Variants in ABCG1 observed in about 807,000 individuals in gnomAD.
The protein encoded by ABCG1 is ATP-binding cassette sub-family G member 1.
In ABCG1, 29 loss-of-function variants were observed where a neutral mutation model predicts 69.2. The ratio of observed to expected loss-of-function variants is 0.42; its 90% CI spans 0.31 to 0.57. ABCG1 has a LOEUF of 0.57. Among genes scored for constraint, ABCG1 ranks in the 20% least tolerant of loss-of-function variants. The pLI is 0.15. For synonymous variants in ABCG1, 370 were observed against 374.8 expected (o/e 0.99, Z 0.15); for missense variants, 718 against 898.1 (o/e 0.80, Z 2.56).
At chr21:42,202,898 C>A (rs1161044623) in intron 2 of ABCG1, among the ~76,000 whole-genome samples, 1 of 152,140 alleles carries the variant, frequency 6.6e-6, no homozygotes, top group East Asian at 1.9e-4. Flanking sequence ...CAGGTGTGAG[C>A]CACAATGCCC....
chr21:42,255,450 G>A (rs762455698), intron 2 of ABCG1, among the ~76,000 whole-genome samples: 4 of 152,186 alleles, frequency 2.6e-5, no homozygotes, highest in Non-Finnish European at 5.9e-5. Flanking sequence ...CCATGTGTGG[G>A]TGTGTGTGCA....
chr21:42,219,202 C>A lies in ABCG1; in HGVS notation c.-61C>A, dbSNP rs1158509826. On this transcript the variant is annotated 5_prime_UTR_variant, in exon 1 of 15. Coordinates refer to ENST00000398449, the MANE Select transcript of ABCG1 (RefSeq NM_016818.3). The surrounding 1 kb of genome is among the most constrained non-coding windows in gnomAD (Gnocchi z 5.3). Reference sequence around the variant, plus strand: ...AGCCGGGAGCCAGCGCAGCCTCGGCCCCGCAGCTCAAGCCTCGTCCCCGCC... The same window carrying A: ...AGCCGGGAGCCAGCGCAGCCTCGGCACCGCAGCTCAAGCCTCGTCCCCGCC... The A allele has an allele frequency of 2.2e-6, 3 of 1,394,906 alleles. No individual in the cohort carries two copies. Among genetic ancestry groups the A allele is most frequent in the Non-Finnish European group, 2.8e-6 (3 of 1,071,200 alleles). 86.4% of individuals were successfully genotyped at this position (1,394,906 alleles called of 1,614,324 possible).
At chr21:42,213,398 T>A (rs1396673923), upstream of ABCG1, among the ~76,000 whole-genome samples, 2 of 152,242 alleles carry the variant, frequency 1.3e-5, no homozygotes, top group East Asian at 1.9e-4. Flanking sequence ...TATGGAGGCA[T>A]GGCTAACTCC....
chr21:42,210,023 A>G (rs1169503299), intron 2 of ABCG1, among the ~76,000 whole-genome samples: 1 of 144,786 alleles, frequency 6.9e-6, no homozygotes, highest in Non-Finnish European at 1.5e-5. Flanking sequence ...TCCAGCGATG[A>G]AAGGGCTGAT....
intron 2 of ABCG1, among the ~76,000 whole-genome samples, chr21:42,245,034 C>A (rs939672717): frequency 6.6e-6 from 1 of 152,220 alleles, no homozygotes; most frequent in African/African-American, 2.4e-5. Flanking sequence ...CCCAGCTCTG[C>A]CCCCACGCGC....
chr21:42,272,829 C>T (rs891313721), intron 3 of ABCG1, among the ~76,000 whole-genome samples: 5 of 152,234 alleles, frequency 3.3e-5, no homozygotes, highest in Non-Finnish European at 7.3e-5. Flanking sequence ...GGGCCCCAGG[C>T]CCCTCTCTGC....
chr21:42,263,901 G>T (rs933540888), intron 2 of ABCG1, among the ~76,000 whole-genome samples: 3 of 152,242 alleles, frequency 2.0e-5, no homozygotes, highest in African/African-American at 7.2e-5. Context: ...GTTGCTCAAG[G>T]TTCATTTGTG....
Position 42,287,357 on chromosome 21 carries a change from G to A in ABCG1, c.974-532G>A, listed in dbSNP as rs372053942. The stretch of plus-strand genomic sequence containing the variant: ...AGCGGGCAGGGCCGGTGCAGGAGAC[G>A]CTCACTGGGATCTGAGAGGTGCAGG... On this transcript the variant is annotated intron_variant, in intron 8 of 14. Transcript: ENST00000398449. The surrounding 1 kb of genome is among the most constrained non-coding windows in gnomAD (Gnocchi z 6.2). Among the ~76,000 whole-genome samples, 7 of 152,152 alleles carry A rather than the reference G, an allele frequency of 4.6e-5. No homozygotes were observed. Among genetic ancestry groups the A allele is most frequent in the South Asian group, 2.1e-4 (1 of 4,830 alleles).
chr21:42,285,279 C>T (rs139481387), intron 7 of ABCG1, among the ~76,000 whole-genome samples: 31 of 152,198 alleles, frequency 2.0e-4, no homozygotes, highest in African/African-American at 7.5e-4. Context: ...GGGCAGATCA[C>T]TTAAGCTCAG....
At chr21:42,220,572 C>A (rs1235587962) in intron 1 of ABCG1, among the ~76,000 whole-genome samples, 1 of 152,252 alleles carries the variant, frequency 6.6e-6, no homozygotes, top group Non-Finnish European at 1.5e-5. Context: ...GCAGACATGG[C>A]CAGGCGGTGG....
chr21:42,238,794 T>A (rs1314251863), intron 2 of ABCG1, among the ~76,000 whole-genome samples: 2 of 152,148 alleles, frequency 1.3e-5, no homozygotes, highest in Non-Finnish European at 2.9e-5. Context: ...AAATTGAGGA[T>A]GTTGTGCCCA....
chr21:42,201,036 G>C (rs994990464), intron 1 of ABCG1, among the ~76,000 whole-genome samples: 3 of 152,048 alleles, frequency 2.0e-5, no homozygotes, highest in African/African-American at 7.3e-5. Context: ...CAACCACCTA[G>C]GTGTTAAGCC....
At chr21:42,253,532 C>T (rs1168455947) in intron 2 of ABCG1, among the ~76,000 whole-genome samples, 1 of 152,202 alleles carries the variant, frequency 6.6e-6, no homozygotes. Flanking sequence ...GTCACGATGC[C>T]ATTGGACCCC....
At position 42,276,640 on chromosome 21, in the gene ABCG1, G is replaced by C. The variant is rs1057332272; in HGVS notation, c.538-255G>C. On this transcript the variant is annotated intron_variant, in intron 4 of 14. Coordinates refer to ENST00000398449, the MANE Select transcript of ABCG1 (RefSeq NM_016818.3). This position sits in a 1 kb window ranked among gnomAD's most constrained non-coding sequence, Gnocchi z 5.3. ...ACCGTGGCTAGCTGCATGGTGGCTA[G>C]TTGCACCGTGGCTAGTGGCCTTATG... is the stretch of plus-strand genomic sequence containing the variant. The C allele has an allele frequency of 1.5e-5, 7 of 462,004 alleles. No homozygotes were observed. The highest frequency in any genetic ancestry group is 1.4e-4 in the African/African-American group (7 of 50,500). The allele number at this position is 462,004 out of a possible 1,614,324, so 28.6% of individuals were successfully genotyped here.
Position 42,291,454 on chromosome 21 carries a change from G to T in ABCG1, c.1495-44G>T. Reference sequence around the variant, plus strand: ...GGAGCTTTGCTGTTGGCCTGCTGTGGTGGGAAGCGGCTGAGCCCGCGGCTG... The same window carrying T: ...GGAGCTTTGCTGTTGGCCTGCTGTGTTGGGAAGCGGCTGAGCCCGCGGCTG... On this transcript the variant is annotated intron_variant, in intron 12 of 14. Transcript: ENST00000398449. This position sits in a 1 kb window ranked among gnomAD's most constrained non-coding sequence, Gnocchi z 6.4. The T allele has an allele frequency of 1.9e-6, 3 of 1,581,490 alleles. No homozygotes were observed. Among genetic ancestry groups the T allele is most frequent in the South Asian group, 2.3e-5 (2 of 86,742 alleles).
At chr21:42,259,622 T>A in intron 2 of ABCG1, 1 of 1,438,880 alleles carries the variant, frequency 6.9e-7, no homozygotes, top group Non-Finnish European at 9.1e-7. Flanking sequence ...TAACTGTCAC[T>A]CATTTGATAA....
intron 1 of ABCG1, among the ~76,000 whole-genome samples, chr21:42,220,508 G>GGAGCCTCGCCAGCTCATTATATAAT (rs2123499056): frequency 6.6e-6 from 1 of 152,338 alleles, no homozygotes. Flanking sequence ...TAGAACATAC[G>GGAGCCTCGCCAGCTCATTATATAAT]GAGCCTCGCC....
intron 2 of ABCG1, among the ~76,000 whole-genome samples, chr21:42,245,077 C>T (rs1180327125): frequency 6.6e-6 from 1 of 152,200 alleles, no homozygotes; most frequent in Non-Finnish European, 1.5e-5. Context: ...GGGAGCTGAG[C>T]GTCTGGAGTG....
intron 2 of ABCG1, among the ~76,000 whole-genome samples, chr21:42,209,381 G>T (rs1357953938): frequency 6.6e-6 from 1 of 152,206 alleles, no homozygotes; most frequent in African/African-American, 2.4e-5. Flanking sequence ...AAGCACTCGA[G>T]GTTGTCCAAA....
Sources: allele counts gnomAD v4.1 joint callset (sites outside exome capture counted in the v4.1 genomes callset), GRCh38; gene constraint gnomAD v4.1.1; non-coding constraint Gnocchi (gnomAD v3.1); transcripts MANE v1.5; gene names NCBI Gene and HGNC (gene_info 2026-07-23, HGNC 2026-07-21).